The following ANK2 variants were observed in gnomAD, a reference collection of about 807,000 sequenced individuals.
ANK2 encodes ankyrin-2.
A neutral mutation model predicts 360.5 loss-of-function variants in ANK2; 83 were observed. That is an observed-to-expected ratio of 0.23 (90% CI 0.19 to 0.28). The LOEUF (loss-of-function observed/expected upper bound fraction) is 0.28. ANK2 is among the 10% of genes least tolerant of loss of function. The probability of loss-of-function intolerance (pLI) is 1.00; values close to 1 mark genes in which losing one functional copy is unlikely to be tolerated. For missense variants in ANK2, 4,201 were observed against 4,795.7 expected (o/e 0.88, Z 3.66); for synonymous variants, 1,740 against 1,759.5 (o/e 0.99, Z 0.28).
At chr4:113,379,621 C>T (rs999120042) in intron 45 of ANK2, among the ~76,000 whole-genome samples, 5 of 152,048 alleles carry the variant, frequency 3.3e-5, no homozygotes, top group South Asian at 2.1e-4. Context: ...AAATGGCTGC[C>T]GCGTATTTAG....
intron 9 of ANK2, among the ~76,000 whole-genome samples, chr4:113,247,640 G>T: frequency 6.6e-6 from 1 of 152,040 alleles, no homozygotes; most frequent in East Asian, 1.9e-4. Flanking sequence ...TTCAAACAAG[G>T]CTTGCAAGTT....
At chr4:113,091,617 A>G (rs957847924) in intron 1 of ANK2, among the ~76,000 whole-genome samples, 2 of 152,248 alleles carry the variant, frequency 1.3e-5, no homozygotes, top group African/African-American at 4.8e-5. Flanking sequence ...TTTTAATAGC[A>G]GTAGCTAACG....
the ANK2 span, among the ~76,000 whole-genome samples, chr4:112,751,100 C>T: frequency 6.6e-6 from 1 of 152,106 alleles, no homozygotes; most frequent in Non-Finnish European, 1.5e-5. Flanking sequence ...TTTAATGCAT[C>T]ATCATAACCC....
At chr4:113,226,130 C>T (rs2099217616) in intron 4 of ANK2, among the ~76,000 whole-genome samples, 1 of 152,104 alleles carries the variant, frequency 6.6e-6, no homozygotes, top group African/African-American at 2.4e-5. Context: ...TGGGATTTAA[C>T]AAAAACCTGC....
chr4:113,254,541 C>T (rs531612697), intron 10 of ANK2, among the ~76,000 whole-genome samples: 12 of 152,324 alleles, frequency 7.9e-5, no homozygotes, highest in African/African-American at 2.9e-4. Context: ...TTATCTTCCC[C>T]TCAATGCATA....
At position 113,357,868 on chromosome 4, in the gene ANK2, C is replaced by T; in HGVS notation, c.9250C>T (p.Pro3084Ser). 3 of 1,614,090 alleles carry T rather than the reference C, an allele frequency of 1.9e-6. No individual in the cohort carries two copies. The highest frequency in any genetic ancestry group is 1.1e-5 in the South Asian group (1 of 91,086). Residue 3084 changes from proline (P) to serine (S), a missense_variant, in exon 38 of 46, where the codon CCT becomes TCT. By Grantham distance (74) the Pro-to-Ser change is moderately conservative (BLOSUM62 -1). This residue lies in a region of ANK2 where 2,642 missense variants were observed against 2,714.5 expected (regional missense o/e 0.97). Transcript: ENST00000357077. ...QSQGTTPDTTPARTPTEEGTP... is the reference protein window; with the variant it reads ...QSQGTTPDTTSARTPTEEGTP... ...ACAGGGTACCACCCCTGACACCACT[C>T]CTGCTAGGACCCCAACTGAAGAGGG...
At chr4:113,080,080 G>T (rs184360384) in intron 1 of ANK2, among the ~76,000 whole-genome samples, 1 of 152,102 alleles carries the variant, frequency 6.6e-6, no homozygotes, top group Non-Finnish European at 1.5e-5. Flanking sequence ...TGTATTTTTG[G>T]TAGAGACGGG....
intron 2 of ANK2, among the ~76,000 whole-genome samples, chr4:112,978,900 C>A (rs2042247285): frequency 6.6e-6 from 1 of 152,220 alleles, no homozygotes; most frequent in Admixed American, 6.5e-5. Flanking sequence ...CTGGAGCCAA[C>A]TGTGTAGGCT....
rs554404135 is a variant in ANK2 at position 113,280,765 on chromosome 4, C to T, written c.1882-1910C>T. Reference sequence around the variant, plus strand: ...TAGGTTGAGTATCTACCAGGCAAACCTCCTCCATTGCCAGAATTGACACCT... The same window carrying T: ...TAGGTTGAGTATCTACCAGGCAAACTTCCTCCATTGCCAGAATTGACACCT... On this transcript the variant is annotated intron_variant, in intron 17 of 45. Transcript: ENST00000357077. 2.2e-4 allele frequency among the ~76,000 whole-genome samples: 33 copies of T among 152,272 alleles called. 1 individual carries two copies. In the South Asian group the frequency reaches 6.8e-3, roughly 32 times the overall value.
Position 113,277,947 on chromosome 4 carries a change from C to T in ANK2, c.1782+12C>T, listed in dbSNP as rs1195063346. On this transcript the variant is annotated intron_variant, in intron 16 of 45. Transcript: ENST00000357077. ...ATTCTGCAGGGAAGGTAAAGATTTT[C>T]TATACGTTATAATTATGTAACAGTG... 1 of 1,604,704 alleles carries T rather than the reference C, an allele frequency of 6.2e-7. No homozygotes were observed. The highest frequency in any genetic ancestry group is 8.5e-7 in the Non-Finnish European group (1 of 1,171,708).
At chr4:113,218,849 T>C (rs3025759) in intron 4 of ANK2, among the ~76,000 whole-genome samples, 4,246 of 152,244 alleles carry the variant, frequency 0.028, 99 homozygotes, top group East Asian at 0.068. Flanking sequence ...CATTTTTTAT[T>C]TTTATTATAT....
At chr4:113,176,711 TGTTG>T (rs1426034797) in intron 2 of ANK2, among the ~76,000 whole-genome samples, 1 of 152,098 alleles carries the variant, frequency 6.6e-6, no homozygotes, top group Non-Finnish European at 1.5e-5. Flanking sequence ...ACATGCGCCA[TGTTG>T]GTGTGCTGCA....
chr4:113,237,703 C>A (rs1184212059), intron 7 of ANK2, 81 bp downstream of exon 7: 8 of 1,242,520 alleles, frequency 6.4e-6, no homozygotes, highest in Non-Finnish European at 9.5e-6. Context: ...CTCACTAATT[C>A]ATACTAATGA....
chr4:113,348,420 T>C (rs2095125432), intron 36 of ANK2, 112 bp downstream of exon 36: 3 of 1,121,406 alleles, frequency 2.7e-6, no homozygotes. Context: ...TTCTTAGTAA[T>C]TAAAGGGGCA....
At chr4:113,155,285 A>G (rs1048234573) in intron 1 of ANK2, among the ~76,000 whole-genome samples, 2 of 152,302 alleles carry the variant, frequency 1.3e-5, no homozygotes, top group African/African-American at 2.4e-5. Context: ...CACATATTCT[A>G]TACATTTTAT....
At chr4:113,131,552 G>A (rs529401744) in intron 1 of ANK2, among the ~76,000 whole-genome samples, 6 of 152,182 alleles carry the variant, frequency 3.9e-5, no homozygotes, top group Non-Finnish European at 8.8e-5. Context: ...CTGCTAAAAA[G>A]CCTGCACATC....
intron 31 of ANK2, among the ~76,000 whole-genome samples, chr4:113,337,711 G>A (rs1488150519): frequency 2.6e-5 from 4 of 152,004 alleles, no homozygotes; most frequent in East Asian, 1.9e-4. Flanking sequence ...AGAGAACCAC[G>A]AGATTATTCC....
At position 112,951,072 on chromosome 4, in the gene ANK2, C is replaced by A. The variant is rs563676541; in HGVS notation, c.21+46558C>A. ...ACTCCAGCCTGGGCGACAGAGCGAGCCTCCGTCTCAAAAAAAAAAAAAAAA... is the reference window on the plus strand; with the variant it reads ...ACTCCAGCCTGGGCGACAGAGCGAGACTCCGTCTCAAAAAAAAAAAAAAAA... On this transcript the variant is annotated intron_variant, in intron 2 of 30. Coordinates refer to the ANK2 transcript ENST00000503271. 8.4e-4 allele frequency among the ~76,000 whole-genome samples: 106 copies of A among 126,376 alleles called. No homozygotes were observed. The East Asian group carries it at 9.3e-3, about 11-fold the overall frequency. 82.9% of individuals were successfully genotyped at this position (126,376 alleles called of 152,430 possible). A position where few individuals can be genotyped will look rare whatever the true frequency, so the allele number is the denominator to read the frequency against.
chr4:113,275,192 A>G (rs2059786454), intron 15 of ANK2, among the ~76,000 whole-genome samples: 1 of 152,214 alleles, frequency 6.6e-6, no homozygotes, highest in Admixed American at 6.5e-5. Context: ...GTGTTTAAAG[A>G]GAGCTGAAGC....
Sources: gnomAD v4.1 joint callset for allele counts (sites outside exome capture counted in the v4.1 genomes callset) on GRCh38, gnomAD v4.1.1 for gene constraint, gnomAD v4.1.1 regional missense constraint, MANE v1.5 for transcripts, NCBI Gene and HGNC (gene_info 2026-07-23, HGNC 2026-07-21) for gene names.